Variants in LEKR1 observed in about 807,000 individuals in gnomAD.
LEKR1 encodes protein LEKR1.
LEKR1 carries 59 observed loss-of-function variants against 72.4 expected under a neutral mutation model. That is an observed-to-expected ratio of 0.82 (90% CI 0.66 to 1.01). LEKR1 has a LOEUF of 1.01. Ranked by LOEUF, LEKR1 falls within the 50% of genes least tolerant of loss-of-function variation. The pLI is 0.00. For synonymous variants in LEKR1, 257 were observed against 263.2 expected, an observed-to-expected ratio of 0.98 and a Z score of 0.23; for missense variants, 728 against 759.2, an observed-to-expected ratio of 0.96 and a Z score of 0.48.
Position 157,017,962 on chromosome 3 carries a change from A to AAAAAAAG in LEKR1, c.1203+6462_1203+6463insGAAAAAA, listed in dbSNP as rs1553831882. On this transcript the variant is annotated intron_variant, in intron 10 of 12. Transcript: ENST00000356539. Reference sequence around the variant, plus strand: ...AGACTCTGTCTCAAAAAAAAAAAAAAAAAAAAAAAAGAAAGCTGGAGTAGC... The same window carrying AAAAAAAG: ...AGACTCTGTCTCAAAAAAAAAAAAAAAAAAAAGAAAAAAAAAAGAAAGCTGGAGTAGC... 3.3e-3 allele frequency among the ~76,000 whole-genome samples: 442 copies of AAAAAAAG among 134,144 alleles called. 5 individuals carry two copies. The highest frequency in any genetic ancestry group is 9.5e-3 in the South Asian group (39 of 4,100). 88.0% of individuals were successfully genotyped at this position (134,144 alleles called of 152,430 possible).
intron 3 of LEKR1, chr3:156,888,469 AG>A (rs1172731040): frequency 2.9e-6 from 2 of 685,384 alleles, no homozygotes; most frequent in Non-Finnish European, 5.4e-6. Flanking sequence ...TTTGAAATGA[AG>A]TCAATGGATT....
intron 6 of LEKR1, among the ~76,000 whole-genome samples, chr3:156,967,094 A>G (rs1728686158): frequency 6.6e-6 from 1 of 152,238 alleles, no homozygotes; most frequent in Non-Finnish European, 1.5e-5. Context: ...AAACTAACAA[A>G]CAGAAAGGAC....
chr3:156,927,888 A>G (rs1302607691), intron 5 of LEKR1, among the ~76,000 whole-genome samples: 3 of 151,998 alleles, frequency 2.0e-5, no homozygotes, highest in Non-Finnish European at 4.4e-5. Flanking sequence ...TCTCTTAATG[A>G]CTGAGTAGCT....
intron 6 of LEKR1, among the ~76,000 whole-genome samples, chr3:156,969,183 T>G (rs916522983): frequency 1.3e-5 from 2 of 151,908 alleles, no homozygotes; most frequent in Non-Finnish European, 2.9e-5. Context: ...AAGAAAGATC[T>G]AAAATTGACA....
At chr3:157,030,705 C>T (rs767490471) in intron 12 of LEKR1, among the ~76,000 whole-genome samples, 1 of 152,156 alleles carries the variant, frequency 6.6e-6, no homozygotes, top group East Asian at 1.9e-4. Flanking sequence ...GGTTTAGAGG[C>T]TCAAGTTCTC....
rs1387357623 is a variant in LEKR1, at chr3:156,920,590, C to T, written c.279C>T (p.Gly93=). Residue 93 remains glycine (G), a synonymous_variant, in exon 4 of 13, where the codon GGC becomes GGT. Coordinates refer to ENST00000356539, the MANE Select transcript of LEKR1 (RefSeq NM_001004316.3). ...KSKTERIYDV[G]MQLKSQQNEF... Reference sequence around the variant, plus strand: ...ATATTTTTAGAATTTACGATGTAGGCATGCAGTTAAAAAGTCAACAAAATG... The same window carrying T: ...ATATTTTTAGAATTTACGATGTAGGTATGCAGTTAAAAAGTCAACAAAATG... 9 of 1,461,988 alleles carry T rather than the reference C, an allele frequency of 6.2e-6. No individual in the cohort carries two copies. In the Admixed American group the frequency reaches 1.3e-4, roughly 21 times the overall value. 90.6% of individuals were successfully genotyped at this position (1,461,988 alleles called of 1,614,324 possible).
Position 156,992,676 on chromosome 3 carries a change from A to T in LEKR1, c.851A>T (p.Asp284Val). ...MLMNKSNEAD[D>V]CQRELKKLKF... ...AGGAATAAATCTAATGAAGCTGATG[A>T]CTGTCAAAGAGAACTTAAAAAACTG... The change falls in exon 8 of 13, where the codon GAC (aspartate) becomes GTC (valine). Residue 284 changes from aspartate to valine, a missense_variant. Coordinates refer to ENST00000356539, the MANE Select transcript of LEKR1 (RefSeq NM_001004316.3). The T allele has an allele frequency of 2.0e-6, 2 of 986,712 alleles. No individual in the cohort carries two copies. Among genetic ancestry groups the T allele is most frequent in the Non-Finnish European group, 2.6e-6 (2 of 777,372 alleles). 61.1% of individuals were successfully genotyped at this position (986,712 alleles called of 1,614,324 possible).
At chr3:157,037,605 G>T (rs1176620702) in intron 12 of LEKR1, among the ~76,000 whole-genome samples, 2 of 152,114 alleles carry the variant, frequency 1.3e-5, no homozygotes, top group Admixed American at 6.5e-5. Flanking sequence ...AAGTCTAAGT[G>T]CAAGGAGAAC....
chr3:156,931,853 C>T (rs557469128), intron 5 of LEKR1, among the ~76,000 whole-genome samples: 2 of 152,216 alleles, frequency 1.3e-5, no homozygotes, highest in South Asian at 4.1e-4. Context: ...TGGAAAAGCA[C>T]AAAGGCACTT....
chr3:156,993,204 G>T lies in LEKR1; in HGVS notation c.1036G>T (p.Glu346Ter). The T allele has an allele frequency of 6.2e-7, 1 of 1,612,660 alleles. No homozygotes were observed. The highest frequency in any genetic ancestry group is 8.5e-7 in the Non-Finnish European group (1 of 1,179,246). ...CATAAAGAGAAGAATTAACCTTGCAGAAAATGAACTGGAGATAACCAAAAC... is the reference window on the plus strand; with the variant it reads ...CATAAAGAGAAGAATTAACCTTGCATAAAATGAACTGGAGATAACCAAAAC... ...EDIKRRINLA[E>*]NELEITKTLL... is the part of the protein sequence containing the mutation. Residue 346 changes from glutamate (E) to a stop codon, truncating the protein, a stop_gained, in exon 9 of 13, where the codon GAA becomes TAA. Coordinates refer to ENST00000356539, the MANE Select transcript of LEKR1 (RefSeq NM_001004316.3). LOFTEE classifies it high-confidence loss of function.
intron 12 of LEKR1, among the ~76,000 whole-genome samples, chr3:157,036,426 C>T (rs1560162804): frequency 6.6e-6 from 1 of 152,078 alleles, no homozygotes; most frequent in South Asian, 2.1e-4. Context: ...GAAGACAGTG[C>T]CTTCCAAATT....
chr3:156,835,028 A>G (rs1453832229), intron 2 of LEKR1, among the ~76,000 whole-genome samples: 1 of 152,200 alleles, frequency 6.6e-6, no homozygotes, highest in Non-Finnish European at 1.5e-5. Context: ...ATATAATTAC[A>G]TGGAAGGAAA....
intron 3 of LEKR1, among the ~76,000 whole-genome samples, chr3:156,858,491 G>A (rs1012588220): frequency 6.6e-5 from 10 of 152,056 alleles, no homozygotes; most frequent in African/African-American, 2.4e-4. Flanking sequence ...TGGCCAACAT[G>A]GTGAAACCCC....
chr3:156,996,447 C>T (rs1731576715), intron 9 of LEKR1, among the ~76,000 whole-genome samples: 1 of 150,384 alleles, frequency 6.6e-6, no homozygotes, highest in South Asian at 2.1e-4. Context: ...AGGGTCACAT[C>T]ATGCAGGGCC....
chr3:156,964,264 C>A (rs551176896), intron 6 of LEKR1, among the ~76,000 whole-genome samples: 3 of 151,684 alleles, frequency 2.0e-5, no homozygotes, highest in Non-Finnish European at 4.4e-5. Context: ...TTATCCGTAC[C>A]CTTCCCCCCT....
chr3:157,009,712 G>A (rs1188217533), intron 9 of LEKR1, among the ~76,000 whole-genome samples: 1 of 151,966 alleles, frequency 6.6e-6, no homozygotes, highest in East Asian at 1.9e-4. Flanking sequence ...TGGTGGTCCT[G>A]GGCTGATTTG....
intron 11 of LEKR1, 107 bp downstream of exon 11, chr3:157,025,031 A>G: frequency 1.4e-6 from 1 of 713,912 alleles, no homozygotes; most frequent in Non-Finnish European, 2.3e-6. Context: ...GCTTTCACTC[A>G]TGGTCACTGT....
chr3:156,890,249 A>G (rs1041236071), intron 3 of LEKR1, among the ~76,000 whole-genome samples: 6 of 152,220 alleles, frequency 3.9e-5, no homozygotes, highest in African/African-American at 1.2e-4. Context: ...ATAAAATAGC[A>G]TATAAAGTAA....
chr3:156,896,804 C>T (rs887027155), intron 3 of LEKR1, among the ~76,000 whole-genome samples: 1 of 152,192 alleles, frequency 6.6e-6, no homozygotes, highest in Admixed American at 6.5e-5. Flanking sequence ...GCTAAATGCC[C>T]ATCAGCAGTG....
Sources: allele counts gnomAD v4.1 joint callset (sites outside exome capture counted in the v4.1 genomes callset), GRCh38; gene constraint gnomAD v4.1.1; transcripts MANE v1.5; gene names NCBI Gene and HGNC (gene_info 2026-07-23, HGNC 2026-07-21).